The following GLIS3 variants were observed in gnomAD, a reference collection of about 807,000 sequenced individuals.
The protein encoded by GLIS3 is GLIS family zinc finger 3, also known as zinc finger protein GLIS3.
GLIS3 carries 53 observed loss-of-function variants against 78.6 expected under a neutral mutation model. The ratio of observed to expected loss-of-function variants is 0.67; its 90% CI spans 0.54 to 0.85. GLIS3 has a LOEUF of 0.85. Among genes scored for constraint, GLIS3 ranks in the 40% least tolerant of loss-of-function variants. The probability of loss-of-function intolerance (pLI) is 0.00; values close to 1 mark genes in which losing one functional copy is unlikely to be tolerated. For missense variants in GLIS3, 1,703 were observed against 1,231.1 expected (o/e 1.38, Z -5.74); for synonymous variants, 684 against 509.9 (o/e 1.34, Z -4.60).
chr9:4,117,024 CAG>C (rs377744627), intron 4 of GLIS3, among the ~76,000 whole-genome samples: 30 of 152,238 alleles, frequency 2.0e-4, no homozygotes, highest in African/African-American at 6.7e-4. Context: ...TGCCAAGAAA[CAG>C]AGAGAGTTCC....
At chr9:4,060,206 T>C (rs1251032166) in intron 4 of GLIS3, among the ~76,000 whole-genome samples, 1 of 152,172 alleles carries the variant, frequency 6.6e-6, no homozygotes, top group Non-Finnish European at 1.5e-5. Context: ...TCTCACTTCA[T>C]ACTACTCTCA....
chr9:4,343,175 C>CAA (rs34263708), intron 2 of GLIS3, among the ~76,000 whole-genome samples: 35 of 151,490 alleles, frequency 2.3e-4, no homozygotes, highest in Admixed American at 5.2e-4. Flanking sequence ...CTCATCTCTT[C>CAA]AAAAAAAAAT....
intron 2 of GLIS3, among the ~76,000 whole-genome samples, chr9:4,320,349 G>C (rs1054368301): frequency 3.9e-5 from 6 of 152,134 alleles, no homozygotes; most frequent in Admixed American, 2.0e-4. Context: ...CTGGAAGGGA[G>C]TTGAGAAGGA....
At chr9:3,962,395 G>T (rs1407354379) in intron 4 of GLIS3, among the ~76,000 whole-genome samples, 1 of 151,974 alleles carries the variant, frequency 6.6e-6, no homozygotes, top group Non-Finnish European at 1.5e-5. Flanking sequence ...ATAAAGAGAG[G>T]CTAGAAATAC....
At chr9:4,185,454 C>CT (rs992773870) in intron 2 of GLIS3, among the ~76,000 whole-genome samples, 1 of 152,074 alleles carries the variant, frequency 6.6e-6, no homozygotes, top group African/African-American at 2.4e-5. Context: ...CTAATATATA[C>CT]TTTTTTGTAG....
the GLIS3 span, among the ~76,000 whole-genome samples, chr9:4,398,993 A>C: frequency 6.6e-6 from 1 of 152,138 alleles, no homozygotes; most frequent in Non-Finnish European, 1.5e-5. Flanking sequence ...AGCCTGCTCA[A>C]GTTCTTAGAT....
chr9:3,851,138 G>C (rs10758497), intron 9 of GLIS3, among the ~76,000 whole-genome samples: 1 of 152,022 alleles, frequency 6.6e-6, no homozygotes, highest in Admixed American at 6.5e-5. Flanking sequence ...AGGAATTCTC[G>C]TGGCATGCTG....
chr9:4,007,729 A>C (rs909308074), intron 4 of GLIS3, among the ~76,000 whole-genome samples: 1 of 152,150 alleles, frequency 6.6e-6, no homozygotes, highest in Non-Finnish European at 1.5e-5. Flanking sequence ...GATCACACAC[A>C]CAAATGTAAT....
chr9:4,340,515 C>T (rs888474043), intron 2 of GLIS3, among the ~76,000 whole-genome samples: 9 of 152,080 alleles, frequency 5.9e-5, no homozygotes, highest in African/African-American at 2.2e-4. Context: ...TCTCCTTGCC[C>T]GGATGGTTCC....
In GLIS3 at chr9:4,133,823, T is replaced by A. The variant is rs965889218; in HGVS notation, c.389-7882A>T. Among the ~76,000 whole-genome samples, 9 of 112,278 alleles carry A rather than the reference T, an allele frequency of 8.0e-5. No homozygotes were observed. In the East Asian group the frequency reaches 1.1e-3, roughly 14 times the overall value. The allele number at this position is 112,278 out of a possible 152,430, so 73.7% of individuals were successfully genotyped here. On this transcript the variant is annotated intron_variant, in intron 2 of 10. Transcript: ENST00000381971. Reference sequence around the variant, plus strand: ...GCTGATGCCTTCCTGCCCAAGACCTTCTACACACACACACACACACACACA... The same window carrying A: ...GCTGATGCCTTCCTGCCCAAGACCTACTACACACACACACACACACACACA...
chr9:3,932,185 C>T (rs928917184), intron 6 of GLIS3, among the ~76,000 whole-genome samples, 175 bp downstream of exon 6: 1 of 138,060 alleles, frequency 7.2e-6, no homozygotes, highest in African/African-American at 2.5e-5. Flanking sequence ...GCCATATCAG[C>T]TATGCAAACC....
At chr9:4,284,415 C>A (rs1827808250) in intron 2 of GLIS3, among the ~76,000 whole-genome samples, 1 of 152,092 alleles carries the variant, frequency 6.6e-6, no homozygotes, top group African/African-American at 2.4e-5. Flanking sequence ...GGGCCTCAAC[C>A]CCTGAAAATC....
chr9:4,076,786 G>A (rs1828101220), intron 4 of GLIS3, among the ~76,000 whole-genome samples: 1 of 152,176 alleles, frequency 6.6e-6, no homozygotes, highest in Non-Finnish European at 1.5e-5. Flanking sequence ...GCTGGGCACA[G>A]GGGCTCACAC....
intron 9 of GLIS3, among the ~76,000 whole-genome samples, chr9:3,852,865 GAT>G (rs1279710757): frequency 6.6e-6 from 1 of 152,158 alleles, no homozygotes; most frequent in Non-Finnish European, 1.5e-5. Flanking sequence ...TTTTAGGGCT[GAT>G]ATTAGCAGTT....
chr9:4,160,268 T>G (rs4741895), intron 2 of GLIS3, among the ~76,000 whole-genome samples: 2 of 152,002 alleles, frequency 1.3e-5, no homozygotes, highest in Non-Finnish European at 2.9e-5. Context: ...CCTCCAGTGG[T>G]GCTAAGGAAC....
intron 4 of GLIS3, among the ~76,000 whole-genome samples, chr9:4,099,937 C>A (rs628919): frequency 0.57 from 86,284 of 151,958 alleles, 25,545 homozygotes; most frequent in African/African-American, 0.75. Context: ...ATAATCTCTT[C>A]ACTTGGGCAA....
At chr9:4,244,502 T>A (rs1823615729) in intron 2 of GLIS3, among the ~76,000 whole-genome samples, 1 of 152,204 alleles carries the variant, frequency 6.6e-6, no homozygotes, top group African/African-American at 2.4e-5. Flanking sequence ...AGAGTTTTTT[T>A]AAGGTGAACT....
At chr9:4,188,541 C>T (rs1432409352) in intron 2 of GLIS3, among the ~76,000 whole-genome samples, 1 of 151,654 alleles carries the variant, frequency 6.6e-6, no homozygotes, top group Non-Finnish European at 1.5e-5. Flanking sequence ...CCCTCTTTTT[C>T]TATTGATTGG....
the GLIS3 span, among the ~76,000 whole-genome samples, chr9:4,363,701 T>C: frequency 3.3e-5 from 5 of 152,186 alleles, no homozygotes; most frequent in Non-Finnish European, 5.9e-5. Flanking sequence ...CTCAGCAACA[T>C]TTCTAAGTAC....
Sources: gnomAD v4.1 joint callset for allele counts (sites outside exome capture counted in the v4.1 genomes callset) on GRCh38, gnomAD v4.1.1 for gene constraint, MANE v1.5 for transcripts, NCBI Gene and HGNC (gene_info 2026-07-23, HGNC 2026-07-21) for gene names.